SPRED2: variants seen among roughly 807,000 people sequenced by gnomAD.
SPRED2 encodes sprouty related EVH1 domain containing 2, also known as sprouty-related, EVH1 domain-containing protein 2.
A neutral mutation model predicts 43.0 loss-of-function variants in SPRED2; 47 were observed. The ratio of observed to expected loss-of-function variants is 1.09; its 90% CI spans 0.87 to 1.40. The LOEUF (loss-of-function observed/expected upper bound fraction) is 1.40. Ranked by LOEUF, SPRED2 falls within the 40% of genes most tolerant of loss-of-function variation. SPRED2 has a pLI of 0.00. For synonymous variants in SPRED2, 225 were observed against 225.7 expected (o/e 1.00, Z 0.03); for missense variants, 561 against 586.4 (o/e 0.96, Z 0.45).
chr2:65,345,497 G>A (rs1295162203), intron 1 of SPRED2, among the ~76,000 whole-genome samples: 4 of 152,098 alleles, frequency 2.6e-5, no homozygotes, highest in Non-Finnish European at 4.4e-5. Context: ...CTGACATCAG[G>A]TGATTTACCC....
chr2:65,324,863 C>T (rs371058483), intron 4 of SPRED2, among the ~76,000 whole-genome samples: 320 of 152,314 alleles, frequency 2.1e-3, no homozygotes, highest in African/African-American at 7.5e-3. Flanking sequence ...GTTCACATTT[C>T]GCAGGTCTTT....
rs1350932295 is a variant in SPRED2 at position 65,322,294 on chromosome 2, A to ATCTATAT, written c.439-5412_439-5411insATATAGA. Among the ~76,000 whole-genome samples the ATCTATAT allele has an allele frequency of 6.2e-5, 4 of 64,930 alleles. 1 individual carries two copies. Among genetic ancestry groups the ATCTATAT allele is most frequent in the African/African-American group, 2.9e-4 (4 of 14,014 alleles). 42.6% of individuals were successfully genotyped at this position (64,930 alleles called of 152,430 possible). On this transcript the variant is annotated intron_variant, in intron 4 of 5. Coordinates refer to ENST00000356388, the MANE Select transcript of SPRED2 (RefSeq NM_181784.3). ...TCTATATATATATATATATATATATATTTTTTTTTTTTTTTTTGAGACGGA... is the reference window on the plus strand; with the variant it reads ...TCTATATATATATATATATATATATATCTATATTTTTTTTTTTTTTTTTTGAGACGGA...
chr2:65,340,707 T>C (rs1308328156), intron 2 of SPRED2, among the ~76,000 whole-genome samples: 1 of 152,200 alleles, frequency 6.6e-6, no homozygotes, highest in Non-Finnish European at 1.5e-5. Flanking sequence ...CAATGGTAGT[T>C]AACAGCCCTC....
intron 1 of SPRED2, among the ~76,000 whole-genome samples, chr2:65,357,050 C>T (rs950851001): frequency 7.2e-5 from 11 of 152,050 alleles, no homozygotes; most frequent in African/African-American, 2.7e-4. Context: ...GATAATTTAA[C>T]CTATAGAGGA....
intron 2 of SPRED2, among the ~76,000 whole-genome samples, chr2:65,339,552 C>A (rs1438480248): frequency 3.3e-5 from 5 of 150,722 alleles, no homozygotes; most frequent in Non-Finnish European, 7.4e-5. Flanking sequence ...GTCATCACCA[C>A]TCCCTAATCT....
At chr2:65,431,920 C>A (rs1676705729) in intron 1 of SPRED2, 42 bp downstream of exon 1, 2 of 1,612,322 alleles carry the variant, frequency 1.2e-6, no homozygotes, top group Admixed American at 1.7e-5. Context: ...CCCCACGCTG[C>A]CCCTGAGGGG....
intron 1 of SPRED2, among the ~76,000 whole-genome samples, chr2:65,349,284 T>A (rs1348458406): frequency 2.5e-5 from 3 of 119,522 alleles, no homozygotes. Flanking sequence ...GAGATCAGCC[T>A]GGCGACACAG....
At chr2:65,310,204 A>C (rs1304187612), downstream of SPRED2, among the ~76,000 whole-genome samples, 1 of 152,108 alleles carries the variant, frequency 6.6e-6, no homozygotes, top group Admixed American at 6.5e-5. Context: ...TTAAAACTGA[A>C]ACGTTAACAC....
intron 4 of SPRED2, among the ~76,000 whole-genome samples, chr2:65,327,915 G>C (rs1363948639): frequency 6.6e-6 from 1 of 151,326 alleles, no homozygotes; most frequent in Non-Finnish European, 1.5e-5. Flanking sequence ...GTAGAGATGG[G>C]GTTTCACCAT....
chr2:65,421,032 T>C (rs1031848571), intron 1 of SPRED2, among the ~76,000 whole-genome samples: 25 of 152,374 alleles, frequency 1.6e-4, no homozygotes, highest in South Asian at 2.1e-4. Flanking sequence ...AGCCTTTCCG[T>C]GCATACATGA....
At chr2:65,320,108 A>G (rs938260304) in intron 4 of SPRED2, among the ~76,000 whole-genome samples, 5 of 152,208 alleles carry the variant, frequency 3.3e-5, no homozygotes, top group African/African-American at 1.2e-4. Flanking sequence ...CTCAATAAAT[A>G]CCTCTCAAAT....
intron 1 of SPRED2, among the ~76,000 whole-genome samples, chr2:65,383,502 G>C (rs1199302354): frequency 6.6e-6 from 1 of 152,106 alleles, no homozygotes; most frequent in African/African-American, 2.4e-5. Context: ...TATGTCCTTA[G>C]AACTCTGGCC....
chr2:65,432,138 G>C lies in SPRED2; in HGVS notation c.-151C>G. ...ATGAAGAGGGCGCCGCAGCAGAAGGGGAAGCAGGGCGCGGGATAGGGTTTG... is the reference window on the plus strand; with the variant it reads ...ATGAAGAGGGCGCCGCAGCAGAAGGCGAAGCAGGGCGCGGGATAGGGTTTG... On this transcript the variant is annotated 5_prime_UTR_variant, in exon 1 of 6. Transcript: ENST00000356388. 1.0e-6 allele frequency: 1 copy of C among 958,468 alleles called. No homozygotes were observed. Among genetic ancestry groups the C allele is most frequent in the East Asian group, 2.6e-5 (1 of 38,130 alleles). The allele number at this position is 958,468 out of a possible 1,614,324, so 59.4% of individuals were successfully genotyped here. A position where few individuals can be genotyped will look rare whatever the true frequency, so the allele number is the denominator to read the frequency against.
At chr2:65,403,509 C>A (rs796234407) in intron 1 of SPRED2, among the ~76,000 whole-genome samples, 1 of 152,158 alleles carries the variant, frequency 6.6e-6, no homozygotes, top group South Asian at 2.1e-4. Context: ...TCAAGCAATC[C>A]CCCCACCTTG....
At chr2:65,343,986 A>G (rs1572855534) in intron 2 of SPRED2, among the ~76,000 whole-genome samples, 1 of 152,186 alleles carries the variant, frequency 6.6e-6, no homozygotes, top group African/African-American at 2.4e-5. Flanking sequence ...GTCTCTACTA[A>G]AGATACAAAA....
chr2:65,344,755 G>A lies in SPRED2; in HGVS notation c.168C>T (p.Gly56=). The part of the protein sequence containing the change: ...VMHPEGNGRS[G]FLIHGERQKD... ...TCTGTCGTTCACCATGGATGAGAAA[G>A]CCGCTTCGTCCATTGCCTTCGGGGT... The change falls in exon 2 of 6, where the codon GGC becomes GGT. Residue 56 remains glycine (G), a synonymous_variant. Transcript: ENST00000356388. The A allele has an allele frequency of 6.2e-7, 1 of 1,614,144 alleles. No individual in the cohort carries two copies. Among genetic ancestry groups the A allele is most frequent in the African/African-American group, 1.3e-5 (1 of 75,040 alleles).
At chr2:65,382,290 A>T (rs1221172553) in intron 1 of SPRED2, among the ~76,000 whole-genome samples, 4 of 151,710 alleles carry the variant, frequency 2.6e-5, no homozygotes, top group Admixed American at 2.0e-4. Flanking sequence ...AGGCTGGTCC[A>T]GGAAGAAGGC....
chr2:65,348,456 A>G (rs778711488), intron 1 of SPRED2, among the ~76,000 whole-genome samples: 13 of 152,166 alleles, frequency 8.5e-5, no homozygotes, highest in Non-Finnish European at 1.8e-4. Flanking sequence ...TATATGTAAC[A>G]GGTTGCGGAA....
chr2:65,331,985 A>G lies in SPRED2; in HGVS notation c.438+2T>C. The G allele has an allele frequency of 6.2e-7, 1 of 1,604,504 alleles. No individual in the cohort carries two copies. Among genetic ancestry groups the G allele is most frequent in the Non-Finnish European group, 8.5e-7 (1 of 1,173,842 alleles). ...GGAAAGCAAAGGACAAAGGAAACTTACTGTAAAAACGTCATCATCGCCAAG... is the reference window on the plus strand; with the variant it reads ...GGAAAGCAAAGGACAAAGGAAACTTGCTGTAAAAACGTCATCATCGCCAAG... On this transcript the variant is annotated splice_donor_variant, in intron 4 of 5. Transcript: ENST00000356388. LOFTEE classifies it high-confidence loss of function.
Sources: allele counts gnomAD v4.1 joint callset (sites outside exome capture counted in the v4.1 genomes callset), GRCh38; gene constraint gnomAD v4.1.1; transcripts MANE v1.5; gene names NCBI Gene and HGNC (gene_info 2026-07-23, HGNC 2026-07-21).